PTPRT: variants seen among roughly 807,000 people sequenced by gnomAD.
The protein encoded by PTPRT is protein tyrosine phosphatase receptor type T.
In PTPRT, 56 loss-of-function variants were observed where a neutral mutation model predicts 176.8. The observed-to-expected ratio is 0.32, with a 90% CI of 0.26 to 0.40. The LOEUF is 0.40. Among genes scored for constraint, PTPRT ranks in the 10% least tolerant of loss-of-function variants. The pLI is 1.00. For synonymous variants in PTPRT, 783 were observed against 739.0 expected, an observed-to-expected ratio of 1.06 and a Z score of -0.96; for missense variants, 1,540 against 1,908.2, an observed-to-expected ratio of 0.81 and a Z score of 3.60.
At chr20:42,705,986 T>C (rs996972109) in intron 6 of PTPRT, among the ~76,000 whole-genome samples, 2 of 152,052 alleles carry the variant, frequency 1.3e-5, no homozygotes, top group African/African-American at 4.8e-5. Context: ...CTGCTCTGTA[T>C]AATGGGGAGA....
At chr20:42,252,557 G>T (rs2056564737) in intron 13 of PTPRT, among the ~76,000 whole-genome samples, 1 of 152,198 alleles carries the variant, frequency 6.6e-6, no homozygotes, top group Admixed American at 6.5e-5. Context: ...CTAGAGCCAA[G>T]AGAAGAGAAT....
chr20:42,386,521 G>A (rs1438655182), intron 9 of PTPRT, among the ~76,000 whole-genome samples: 3 of 152,160 alleles, frequency 2.0e-5, no homozygotes, highest in Admixed American at 6.5e-5. Context: ...CCAAAGGGAA[G>A]AGGGACCTTT....
intron 1 of PTPRT, among the ~76,000 whole-genome samples, chr20:43,118,599 C>G (rs1283246163): frequency 1.3e-5 from 2 of 152,122 alleles, no homozygotes; most frequent in Admixed American, 1.3e-4. Context: ...GCCACCATGC[C>G]CGGCTAATTT....
At chr20:43,157,077 C>T (rs1186442513) in intron 1 of PTPRT, among the ~76,000 whole-genome samples, 3 of 152,074 alleles carry the variant, frequency 2.0e-5, no homozygotes. Context: ...ACAGGCTGGG[C>T]ACGGTGGCTC....
At chr20:42,894,018 A>G (rs1038466291) in intron 1 of PTPRT, among the ~76,000 whole-genome samples, 2 of 149,236 alleles carry the variant, frequency 1.3e-5, no homozygotes, top group African/African-American at 2.4e-5. Flanking sequence ...TAATAATAAT[A>G]AAAAATTAAA....
At chr20:42,217,638 T>A (rs989296622) in intron 15 of PTPRT, among the ~76,000 whole-genome samples, 1 of 152,164 alleles carries the variant, frequency 6.6e-6, no homozygotes, top group Non-Finnish European at 1.5e-5. Flanking sequence ...TTGGGCCAGA[T>A]AATTATTTGC....
chr20:43,040,480 G>A (rs1040431556), intron 1 of PTPRT, among the ~76,000 whole-genome samples: 2 of 152,138 alleles, frequency 1.3e-5, no homozygotes, highest in African/African-American at 4.8e-5. Flanking sequence ...AATTATAACA[G>A]CCAATACTTA....
At chr20:43,175,596 T>C in intron 1 of PTPRT, among the ~76,000 whole-genome samples, 1 of 102,430 alleles carries the variant, frequency 9.8e-6, no homozygotes, top group Middle Eastern at 5.3e-3. Flanking sequence ...GACCCCGGGC[T>C]CTGACTGTGC....
At chr20:42,057,495 G>A in the PTPRT span, among the ~76,000 whole-genome samples, 1 of 152,130 alleles carries the variant, frequency 6.6e-6, no homozygotes, top group South Asian at 2.1e-4. Flanking sequence ...CCTTCTGAGA[G>A]GTTTGATTAG....
intron 6 of PTPRT, among the ~76,000 whole-genome samples, chr20:42,722,739 C>T (rs1338413593): frequency 1.3e-5 from 2 of 152,208 alleles, no homozygotes; most frequent in Admixed American, 6.5e-5. Flanking sequence ...ATGCAGCTCA[C>T]GTGGCCAAGA....
intron 7 of PTPRT, among the ~76,000 whole-genome samples, chr20:42,504,667 T>C (rs2071813087): frequency 6.6e-6 from 1 of 152,176 alleles, no homozygotes; most frequent in Non-Finnish European, 1.5e-5. Flanking sequence ...AATTGTATAA[T>C]TTGGATTTTG....
intron 25 of PTPRT, among the ~76,000 whole-genome samples, chr20:42,103,039 C>T (rs1289424099): frequency 1.3e-5 from 2 of 152,176 alleles, no homozygotes; most frequent in African/African-American, 4.8e-5. Flanking sequence ...GGGATATCTG[C>T]CCGTGGAACA....
At chr20:42,586,185 A>G (rs769012591) in intron 7 of PTPRT, among the ~76,000 whole-genome samples, 2 of 152,204 alleles carry the variant, frequency 1.3e-5, no homozygotes, top group African/African-American at 4.8e-5. Context: ...CTGTCAAATA[A>G]AAACATAAGC....
In PTPRT at chr20:42,957,508, T is replaced by C. The variant is rs1045664645; in HGVS notation, c.89-71576A>G. On this transcript the variant is annotated intron_variant, in intron 1 of 30. Coordinates refer to ENST00000373187, the MANE Select transcript of PTPRT (RefSeq NM_007050.6). ...GAGAGACGCCAGAGCATACTTTCTC[T>C]CCTCAGGAATAAGGGAAATCTTCTG... 2.0e-5 allele frequency among the ~76,000 whole-genome samples: 3 copies of C among 152,168 alleles called. No homozygotes were observed. The East Asian group carries it at 5.8e-4, about 29-fold the overall frequency.
At chr20:42,792,623 T>C (rs1352146167) in intron 2 of PTPRT, among the ~76,000 whole-genome samples, 2 of 152,206 alleles carry the variant, frequency 1.3e-5, no homozygotes. Flanking sequence ...ATAAACTCAG[T>C]TGATTCTAGA....
intron 1 of PTPRT, among the ~76,000 whole-genome samples, chr20:43,133,337 ATTC>A (rs1399556973): frequency 6.6e-6 from 1 of 152,202 alleles, no homozygotes; most frequent in East Asian, 1.9e-4. Flanking sequence ...CTGAGGGAAA[ATTC>A]TTCTTCATGC....
At chr20:43,149,333 T>C (rs1211396078) in intron 1 of PTPRT, among the ~76,000 whole-genome samples, 2 of 152,238 alleles carry the variant, frequency 1.3e-5, no homozygotes, top group Admixed American at 1.3e-4. Flanking sequence ...AGGCTCATTA[T>C]ATGCTTTGAA....
intron 13 of PTPRT, among the ~76,000 whole-genome samples, chr20:42,275,077 G>A (rs991517184): frequency 6.6e-5 from 10 of 152,138 alleles, no homozygotes; most frequent in Admixed American, 2.6e-4. Context: ...AAGTAATAAC[G>A]ATGACCACTA....
chr20:42,110,980 A>G (rs1406169270), intron 22 of PTPRT, among the ~76,000 whole-genome samples: 3 of 152,228 alleles, frequency 2.0e-5, no homozygotes, highest in East Asian at 1.9e-4. Context: ...CAAAGTTTAT[A>G]TAACTTAGTA....
Sources: allele counts gnomAD v4.1 joint callset (sites outside exome capture counted in the v4.1 genomes callset), GRCh38; gene constraint gnomAD v4.1.1; transcripts MANE v1.5; gene names NCBI Gene and HGNC (gene_info 2026-07-23, HGNC 2026-07-21).